DNAH3: variants seen among roughly 807,000 people sequenced by gnomAD.
DNAH3 encodes axonemal beta dynein heavy chain 3.
In DNAH3, 332 loss-of-function variants were observed where a neutral mutation model predicts 432.5. The observed-to-expected ratio is 0.77, with a 90% CI of 0.70 to 0.84. The LOEUF (loss-of-function observed/expected upper bound fraction) is 0.84. Among genes scored for constraint, DNAH3 ranks in the 40% least tolerant of loss-of-function variants. DNAH3 has a pLI of 0.00. For synonymous variants in DNAH3, 1,956 were observed against 1,900.2 expected (o/e 1.03, Z -0.76); for missense variants, 4,861 against 5,114.0 (o/e 0.95, Z 1.51).
intron 48 of DNAH3, among the ~76,000 whole-genome samples, chr16:20,983,177 G>A (rs1159135907): frequency 2.0e-5 from 3 of 152,120 alleles, no homozygotes; most frequent in Non-Finnish European, 4.4e-5. Context: ...CCAGACTGGA[G>A]TGCAGTGGCG....
chr16:20,954,195 C>G (rs930075557), intron 55 of DNAH3, among the ~76,000 whole-genome samples: 2 of 134,882 alleles, frequency 1.5e-5, no homozygotes, highest in African/African-American at 5.6e-5. Context: ...CACACTCCAG[C>G]GTGGGTGACA....
At chr16:21,008,708 C>T (rs535759398) in intron 41 of DNAH3, among the ~76,000 whole-genome samples, 9 of 152,210 alleles carry the variant, frequency 5.9e-5, no homozygotes, top group East Asian at 5.8e-4. Context: ...TGATTTCCAG[C>T]GAGAACTCAG....
chr16:21,001,498 G>T (rs1357770691), intron 42 of DNAH3, among the ~76,000 whole-genome samples: 1 of 152,128 alleles, frequency 6.6e-6, no homozygotes, highest in Non-Finnish European at 1.5e-5. Flanking sequence ...CGCCACCTAG[G>T]TCTGTGCGAC....
intron 61 of DNAH3, among the ~76,000 whole-genome samples, chr16:20,934,940 A>G (rs891151014): frequency 2.6e-5 from 4 of 152,158 alleles, no homozygotes; most frequent in Admixed American, 6.6e-5. Flanking sequence ...GTAACAGTCA[A>G]TCGTAGCCAT....
intron 15 of DNAH3, among the ~76,000 whole-genome samples, chr16:21,105,170 T>C (rs1015974584): frequency 1.3e-5 from 2 of 152,134 alleles, no homozygotes; most frequent in African/African-American, 4.8e-5. Context: ...AGGGCACAGC[T>C]CGTGAACATG....
intron 57 of DNAH3, among the ~76,000 whole-genome samples, chr16:20,947,279 G>C (rs1675182260): frequency 6.6e-6 from 1 of 152,184 alleles, no homozygotes; most frequent in South Asian, 2.1e-4. Flanking sequence ...ATTTCACCCA[G>C]GGAGGGCATG....
In DNAH3 at chr16:20,935,288, T is replaced by C. The variant is rs1051083237; in HGVS notation, c.11997+60A>G. The C allele has an allele frequency of 1.5e-5, 24 of 1,595,542 alleles. No homozygotes were observed. The Middle Eastern group carries it at 5.0e-4, about 33-fold the overall frequency. Reference sequence around the variant, plus strand: ...CCACATTTTTTGACTCATAAGGAAATTGGCAACATTGCTTTCTCTGGTCAG... The same window carrying C: ...CCACATTTTTTGACTCATAAGGAAACTGGCAACATTGCTTTCTCTGGTCAG... On this transcript the variant is annotated intron_variant, in intron 61 of 61. Transcript: ENST00000261383.
At chr16:21,077,170 T>C (rs367935175) in intron 20 of DNAH3, among the ~76,000 whole-genome samples, 106 of 152,276 alleles carry the variant, frequency 7.0e-4, no homozygotes, top group African/African-American at 2.5e-3. Context: ...TTCTTTTATT[T>C]TTTTTTCCCC....
chr16:21,078,523 G>A (rs1355074335), intron 20 of DNAH3, among the ~76,000 whole-genome samples: 2 of 152,176 alleles, frequency 1.3e-5, no homozygotes, highest in East Asian at 3.9e-4. Flanking sequence ...GCAGGTGCCA[G>A]CCCAGATTAG....
intron 41 of DNAH3, among the ~76,000 whole-genome samples, chr16:21,013,731 A>T (rs1005163439): frequency 3.3e-5 from 5 of 151,356 alleles, no homozygotes; most frequent in African/African-American, 4.8e-5. Flanking sequence ...AAAAAAAAAA[A>T]AAAAAAAAAC....
chr16:21,154,009 A>G lies in DNAH3; in HGVS notation c.117+5316T>C, dbSNP rs187172325. Reference sequence around the variant, plus strand: ...AATTGAGACAGTGGGAGAGCTGGAGACTCTGGTTTAGACGGAAATGGGAAG... The same window carrying G: ...AATTGAGACAGTGGGAGAGCTGGAGGCTCTGGTTTAGACGGAAATGGGAAG... On this transcript the variant is annotated intron_variant, in intron 1 of 61. Coordinates refer to ENST00000261383, the Ensembl canonical transcript of DNAH3. Among the ~76,000 whole-genome samples, 179 of 152,324 alleles carry G rather than the reference A, an allele frequency of 1.2e-3. No individual in the cohort carries two copies. In the Middle Eastern group the frequency reaches 0.014, roughly 12 times the overall value.
intron 37 of DNAH3, among the ~76,000 whole-genome samples, chr16:21,027,470 C>T (rs558255975): frequency 7.6e-4 from 116 of 152,352 alleles, no homozygotes; most frequent in African/African-American, 2.7e-3. Flanking sequence ...TATAGATCCA[C>T]ACCTAAGTGT....
In DNAH3 at chr16:21,058,596, C is replaced by T. The variant is rs75217836; in HGVS notation, c.3814-400G>A. On this transcript the variant is annotated intron_variant, in intron 26 of 61. Coordinates refer to ENST00000261383, the Ensembl canonical transcript of DNAH3. ...TTTCCCTCAAGCTACAGATCAGGAG[C>T]GGGCAAACTATGTATATAAATTTTT... Among the ~76,000 whole-genome samples, 31 of 150,382 alleles carry T rather than the reference C, an allele frequency of 2.1e-4. No homozygotes were observed. In the East Asian group the frequency reaches 6.3e-3, roughly 30 times the overall value.
At chr16:20,999,348 T>C (rs1567613621) in intron 43 of DNAH3, among the ~76,000 whole-genome samples, 1 of 151,820 alleles carries the variant, frequency 6.6e-6, no homozygotes, top group Non-Finnish European at 1.5e-5. Flanking sequence ...GAGAGCAAGA[T>C]GGAGAAAAGG....
exon 53 of DNAH3, chr16:20,964,359 A>G (rs1028951529): frequency 1.9e-6 from 3 of 1,614,026 alleles, no homozygotes; most frequent in Non-Finnish European, 2.5e-6. Flanking sequence ...GATTCCTCAA[A>G]CGGGTTGTGA....
chr16:21,118,162 AT>A (rs2092252091), intron 11 of DNAH3, among the ~76,000 whole-genome samples: 1 of 151,292 alleles, frequency 6.6e-6, no homozygotes, highest in Non-Finnish European at 1.5e-5. Flanking sequence ...TAATTTTTGT[AT>A]TTTTAGTAGA....
intron 18 of DNAH3, among the ~76,000 whole-genome samples, chr16:21,095,547 G>C (rs1343553137): frequency 6.6e-6 from 1 of 152,148 alleles, no homozygotes; most frequent in Middle Eastern, 3.2e-3. Context: ...CAACTGGGGG[G>C]AGGATTTGAC....
At chr16:20,978,579 G>A (rs548406511) in intron 50 of DNAH3, among the ~76,000 whole-genome samples, 7 of 152,060 alleles carry the variant, frequency 4.6e-5, no homozygotes, top group South Asian at 4.1e-4. Context: ...CTGTTACCCC[G>A]CTGCAGTGCA....
intron 23 of DNAH3, 124 bp downstream of exon 23, chr16:21,069,291 T>G: frequency 1.2e-6 from 1 of 833,566 alleles, no homozygotes; most frequent in Non-Finnish European, 1.9e-6. Context: ...TAGAAGAAGA[T>G]ATAAAAAGAT....
Sources: gnomAD v4.1 joint callset for allele counts (sites outside exome capture counted in the v4.1 genomes callset) on GRCh38, gnomAD v4.1.1 for gene constraint, MANE v1.5 for transcripts, NCBI Gene and HGNC (gene_info 2026-07-23, HGNC 2026-07-21) for gene names.